GJA9: variants seen among roughly 807,000 people sequenced by gnomAD.
The protein encoded by GJA9 is gap junction alpha-9 protein.
A neutral mutation model predicts 0.4 loss-of-function variants in GJA9; 1 was observed. The ratio of observed to expected loss-of-function variants is 2.50; its 90% CI spans 0.89 to 11.88. The LOEUF (loss-of-function observed/expected upper bound fraction) is 11.88. GJA9 is among the 30% of genes most tolerant of loss of function. GJA9 has a pLI of 0.12. For synonymous variants in GJA9, 190 were observed against 219.1 expected, an observed-to-expected ratio of 0.87 and a Z score of 1.17; for missense variants, 550 against 602.8, an observed-to-expected ratio of 0.91 and a Z score of 0.92.
Position 38,875,664 on chromosome 1 carries a change from ATTTAG to A in GJA9, c.430_434del (p.Leu144Ter), listed in dbSNP as rs778592879. ...GCAAGGTTCCTCTGAGTGGAGCTTT[ATTTAG>A]TTTCCTTTTCTCCAGCTGACAAAGC... On this transcript the variant is annotated frameshift_variant, in exon 2 of 2. Transcript: ENST00000357771. LOFTEE classifies it low-confidence loss of function (END_TRUNC). 7 of 1,614,086 alleles carry A rather than the reference ATTTAG, an allele frequency of 4.3e-6. No homozygotes were observed. Among genetic ancestry groups the A allele is most frequent in the Non-Finnish European group, 5.1e-6 (6 of 1,180,032 alleles).
chr1:38,875,570 G>T lies in GJA9; in HGVS notation c.529C>A (p.Leu177Ile), dbSNP rs1463837701. ...GGCTCTAAGTGAAATCCATATAAAA[G>T]GTACTGTCCAATCATGAATCCAACT... ...VEVGFMIGQY[L>I]LYGFHLEPLF... The change falls in exon 2 of 2, where the codon CTT (leucine) becomes ATT (isoleucine). Residue 177 changes from leucine (L) to isoleucine (I), a missense_variant. By Grantham distance (5) the Leu-to-Ile change is conservative (BLOSUM62 2). Coordinates refer to ENST00000357771, the MANE Select transcript of GJA9 (RefSeq NM_030772.5). 6.2e-7 allele frequency: 1 copy of T among 1,614,206 alleles called. No individual in the cohort carries two copies.
intron 1 of GJA9, among the ~76,000 whole-genome samples, chr1:38,878,287 C>G (rs1233992165): frequency 6.7e-6 from 1 of 150,248 alleles, no homozygotes; most frequent in Non-Finnish European, 1.5e-5. Flanking sequence ...CCATGTTGGC[C>G]AGGCTGGTCT....
rs376195316 is a variant in GJA9 at position 38,874,924 on chromosome 1, C to T, written c.1175G>A (p.Gly392Asp). ...YYSRGHRSIP[G>D]VAIDGENNMR... ...GTTGTTCTCTCCATCTATAGCAACA[C>T]CTGGAATAGAACGGTGACCTCTAGA... The change falls in exon 2 of 2, where the codon GGT (glycine) becomes GAT (aspartate). Residue 392 changes from glycine to aspartate, a missense_variant. Physicochemically the swap from Gly to Asp is moderately conservative, Grantham distance 94. Coordinates refer to ENST00000357771, the MANE Select transcript of GJA9 (RefSeq NM_030772.5). 1 of 1,614,010 alleles carries T rather than the reference C, an allele frequency of 6.2e-7. No homozygotes were observed. Among genetic ancestry groups the T allele is most frequent in the Non-Finnish European group, 8.5e-7 (1 of 1,179,998 alleles).
chr1:38,875,898 G>A lies in GJA9; in HGVS notation c.201C>T (p.Asp67=), dbSNP rs1473390173. 3.1e-6 allele frequency: 5 copies of A among 1,614,206 alleles called. No homozygotes were observed. The East Asian group carries it at 6.7e-5, about 22-fold the overall frequency. The stretch of plus-strand genomic sequence containing the variant: ...TAATGAGGGAGATAGGAAAGGCCTG[G>A]TCGTAGCATACATTTCTGCAGCCTG... The part of the protein sequence containing the change: ...EQPGCRNVCY[D]QAFPISLIRY... Residue 67 remains aspartate (D), a synonymous_variant, in exon 2 of 2, where the codon GAC becomes GAT. Coordinates refer to ENST00000357771, the MANE Select transcript of GJA9 (RefSeq NM_030772.5).
In GJA9 at chr1:38,874,219, C is replaced by G; in HGVS notation, c.*332G>C. The G allele has an allele frequency of 8.8e-6, 3 of 340,616 alleles. No homozygotes were observed. The highest frequency in any genetic ancestry group is 1.1e-5 in the Non-Finnish European group (2 of 180,120). 21.1% of individuals were successfully genotyped at this position (340,616 alleles called of 1,614,324 possible). The stretch of plus-strand genomic sequence containing the variant: ...AGGTGGAATTGTATAGATCAAGAAC[C>G]ATTTCCTAAGGCTGTGGTCTCTTCA... On this transcript the variant is annotated 3_prime_UTR_variant, in exon 2 of 2. Coordinates refer to ENST00000357771, the MANE Select transcript of GJA9 (RefSeq NM_030772.5).
At chr1:38,876,937 G>A (rs1642597952) in intron 1 of GJA9, among the ~76,000 whole-genome samples, 1 of 151,942 alleles carries the variant, frequency 6.6e-6, no homozygotes, top group African/African-American at 2.4e-5. Flanking sequence ...AGGTTGCAGT[G>A]AGCTGAGATC....
Position 38,875,791 on chromosome 1 carries a change from A to G in GJA9, c.308T>C (p.Leu103Pro), listed in dbSNP as rs1216511570. The G allele has an allele frequency of 6.2e-7, 1 of 1,614,224 alleles. No homozygotes were observed. The highest frequency in any genetic ancestry group is 1.6e-4 in the Middle Eastern group (1 of 6,062). ...TTTCATCCTTTGCCTCTCTTCCTCA[A>G]GAACTCTCAGTCGGTACAATGCATG... ...MGHALYRLRV[L>P]EEERQRMKAQ... The change falls in exon 2 of 2, where the codon CTT (leucine) becomes CCT (proline). Residue 103 changes from leucine (L) to proline (P), a missense_variant. Transcript: ENST00000357771.
intron 1 of GJA9, 75 bp from the exon 2 acceptor site, chr1:38,876,268 TTTTTC>T: frequency 1.6e-6 from 1 of 629,698 alleles, no homozygotes; most frequent in Non-Finnish European, 2.8e-6. Context: ...GCTGTGGGGT[TTTTTC>T]TTTGTTTGTT....
chr1:38,875,282 T>C lies in GJA9; in HGVS notation c.817A>G (p.Asn273Asp), dbSNP rs1365255774. The C allele has an allele frequency of 1.2e-6, 2 of 1,614,210 alleles. No individual in the cohort carries two copies. Among genetic ancestry groups the C allele is most frequent in the Admixed American group, 1.7e-5 (1 of 60,022 alleles). ...GCAGAAGGGAGTCGCTTCAGTGAAT[T>C]TGCAGATGTGCTCTGGTATTTGGCT... is the stretch of plus-strand genomic sequence containing the variant. ...NVAKYQSTSA[N>D]SLKRLPSAPD... Residue 273 changes from asparagine (N) to aspartate (D), a missense_variant, in exon 2 of 2, where the codon AAT (asparagine) becomes GAT (aspartate). Transcript: ENST00000357771.
At chr1:38,880,044 A>G (rs778724769) in intron 1 of GJA9, among the ~76,000 whole-genome samples, 5 of 151,494 alleles carry the variant, frequency 3.3e-5, no homozygotes, top group African/African-American at 7.3e-5. Flanking sequence ...AAAAGCATCA[A>G]CCTTCTAAAA....
intron 1 of GJA9, among the ~76,000 whole-genome samples, chr1:38,881,019 G>A (rs1376367051): frequency 6.6e-6 from 1 of 152,112 alleles, no homozygotes; most frequent in East Asian, 1.9e-4. Flanking sequence ...TGAAATTGAT[G>A]TTATAAAATA....
Position 38,874,959 on chromosome 1 carries a change from C to G in GJA9, c.1140G>C (p.Arg380Ser). Residue 380 changes from arginine (R) to serine (S), a missense_variant, in exon 2 of 2, where the codon AGG becomes AGC. Coordinates refer to ENST00000357771, the MANE Select transcript of GJA9 (RefSeq NM_030772.5). ...AACGGTGACCTCTAGAGTAGTAGTT[C>G]CTTTTGCTGTCTTTGCCTTCAGTTT... ...KRETEGKDSK[R>S]NYYSRGHRSI... 1 of 1,614,140 alleles carries G rather than the reference C, an allele frequency of 6.2e-7. No individual in the cohort carries two copies. Among genetic ancestry groups the G allele is most frequent in the African/African-American group, 1.3e-5 (1 of 75,036 alleles).
intron 1 of GJA9, among the ~76,000 whole-genome samples, chr1:38,878,632 G>A (rs376997748): frequency 3.3e-5 from 5 of 150,568 alleles, no homozygotes; most frequent in South Asian, 2.1e-4. Flanking sequence ...AGCCAAGATC[G>A]CGCCATTGCA....
intron 1 of GJA9, among the ~76,000 whole-genome samples, chr1:38,879,838 T>C (rs1041803042): frequency 8.5e-5 from 13 of 152,056 alleles, no homozygotes; most frequent in African/African-American, 3.1e-4. Context: ...GCCATTCTCC[T>C]GCCTCAGCCT....
chr1:38,879,615 C>A (rs1439710099), intron 1 of GJA9, among the ~76,000 whole-genome samples: 1 of 152,200 alleles, frequency 6.6e-6, no homozygotes, highest in East Asian at 1.9e-4. Context: ...TATCTGTTTT[C>A]TCTTAAGTTT....
At chr1:38,881,375 A>G in intron 1 of GJA9, 57 bp downstream of exon 1, 1 of 697,446 alleles carries the variant, frequency 1.4e-6, no homozygotes, top group South Asian at 1.5e-5. Flanking sequence ...AGAAAAAGAT[A>G]AAAACATTTC....
chr1:38,874,631 GATTATT>G lies in GJA9; in HGVS notation c.1462_1467del (p.Asn488_Asn489del). 1 of 1,614,198 alleles carries G rather than the reference GATTATT, an allele frequency of 6.2e-7. No homozygotes were observed. The highest frequency in any genetic ancestry group is 1.1e-5 in the South Asian group (1 of 91,084). ...ACTACGTGATTTGGAGGACAAACAG[GATTATT>G]ACAGGTTCTGACCAACCCTGGCTCA... On this transcript the variant is annotated inframe_deletion, in exon 2 of 2. Coordinates refer to ENST00000357771, the MANE Select transcript of GJA9 (RefSeq NM_030772.5).
intron 1 of GJA9, among the ~76,000 whole-genome samples, chr1:38,876,755 GGCCAAGGTGGGT>G (rs1642594256): frequency 6.6e-6 from 1 of 152,076 alleles, no homozygotes; most frequent in South Asian, 2.1e-4. Flanking sequence ...CACTTTGGGA[GGCCAAGGTGGGT>G]GGATCATTTG....
At position 38,881,448 on chromosome 1, in the gene GJA9, A is replaced by G. The variant is rs1425718348; in HGVS notation, c.-112T>C. On this transcript the variant is annotated 5_prime_UTR_variant, in exon 1 of 2. Transcript: ENST00000357771. ...AACACAAACCTTTCTTAGTTTAGGT[A>G]AATCTGAGAAGCAAACCATGTTTAG... is the stretch of plus-strand genomic sequence containing the variant. The G allele has an allele frequency of 1.4e-6, 1 of 701,956 alleles. No individual in the cohort carries two copies. The highest frequency in any genetic ancestry group is 2.6e-6 in the Non-Finnish European group (1 of 384,618). The allele number at this position is 701,956 out of a possible 1,614,324, so 43.5% of individuals were successfully genotyped here. A position where few individuals can be genotyped will look rare whatever the true frequency, so the allele number is the denominator to read the frequency against.
Sources: allele counts gnomAD v4.1 joint callset (sites outside exome capture counted in the v4.1 genomes callset), GRCh38; gene constraint gnomAD v4.1.1; transcripts MANE v1.5; gene names NCBI Gene and HGNC (gene_info 2026-07-23, HGNC 2026-07-21).